Variants in KY observed in about 807,000 individuals in gnomAD.
KY encodes kyphoscoliosis peptidase.
KY carries 43 observed loss-of-function variants against 76.1 expected under a neutral mutation model. The observed-to-expected ratio is 0.57, with a 90% CI of 0.44 to 0.73. The LOEUF is 0.73. Among genes scored for constraint, KY ranks in the 30% least tolerant of loss-of-function variants. The pLI is 0.00. For missense variants in KY, 722 were observed against 828.9 expected (o/e 0.87, Z 1.58); for synonymous variants, 277 against 326.2 (o/e 0.85, Z 1.63).
At chr3:134,608,946 C>A in intron 9 of KY, 107 bp from the exon 10 acceptor site, 1 of 1,280,480 alleles carries the variant, frequency 7.8e-7, no homozygotes, top group Non-Finnish European at 1.1e-6. Context: ...GAAGAGGCAC[C>A]ATCTCCGACC....
Position 134,643,345 on chromosome 3 carries a change from G to A in KY, c.233C>T (p.Pro78Leu). 6.2e-7 allele frequency: 1 copy of A among 1,613,976 alleles called. No individual in the cohort carries two copies. Among genetic ancestry groups the A allele is most frequent in the Non-Finnish European group, 8.5e-7 (1 of 1,179,882 alleles). The stretch of plus-strand genomic sequence containing the variant: ...GCTGTTGTAGGAAGTGATGACCTGG[G>A]GCTGCTGAGGGTGCTGCTTCTCCAC... ...NLVEKQHPQQ[P>L]QVITSYNSQG... Residue 78 changes from proline to leucine, a missense_variant, in exon 3 of 11, where the codon CCC (proline) becomes CTC (leucine). By Grantham distance (98) the Pro-to-Leu change is moderately conservative (BLOSUM62 -3). This residue lies in a region of KY where 170 missense variants were observed against 148.1 expected (regional missense o/e 1.15). Transcript: ENST00000423778.
intron 1 of KY, among the ~76,000 whole-genome samples, chr3:134,648,658 C>T (rs1369292357): frequency 6.6e-6 from 1 of 152,136 alleles, no homozygotes; most frequent in East Asian, 1.9e-4. Context: ...GCCCAAATTC[C>T]TAGTGACCTA....
At chr3:134,634,674 C>T (rs1964688140) in intron 3 of KY, among the ~76,000 whole-genome samples, 1 of 152,180 alleles carries the variant, frequency 6.6e-6, no homozygotes, top group Non-Finnish European at 1.5e-5. Flanking sequence ...GTTTGAACTG[C>T]ACGAGTCCAC....
chr3:134,627,256 T>C (rs894437099), intron 5 of KY, among the ~76,000 whole-genome samples: 7 of 152,010 alleles, frequency 4.6e-5, no homozygotes, highest in Non-Finnish European at 7.4e-5. Context: ...AGCAAAACAA[T>C]AGGAAGAAGT....
At chr3:134,641,494 G>A (rs1490368142) in intron 3 of KY, among the ~76,000 whole-genome samples, 1 of 152,120 alleles carries the variant, frequency 6.6e-6, no homozygotes, top group East Asian at 1.9e-4. Flanking sequence ...ACAAGCCATG[G>A]TGGGCCTGCA....
At chr3:134,607,148 C>A (rs1318343480) in intron 10 of KY, 1 of 985,226 alleles carries the variant, frequency 1.0e-6, no homozygotes, top group Non-Finnish European at 1.2e-6. Context: ...CCGATATTTC[C>A]ACGGCCTATG....
chr3:134,619,330 C>T (rs1174823061), intron 7 of KY, 65 bp from the exon 8 acceptor site: 7 of 1,223,446 alleles, frequency 5.7e-6, no homozygotes, highest in African/African-American at 1.5e-5. Flanking sequence ...TCCACCCCAA[C>T]CCCCAGCTGT....
At chr3:134,632,663 T>G (rs1964390343) in intron 3 of KY, among the ~76,000 whole-genome samples, 1 of 151,740 alleles carries the variant, frequency 6.6e-6, no homozygotes, top group Non-Finnish European at 1.5e-5. Context: ...AAGAAAGGTT[T>G]CAAATCAACA....
rs770846495 is a variant in KY at position 134,603,996 on chromosome 3, C to G, written c.1569G>C (p.Leu523=). 2 of 1,613,854 alleles carry G rather than the reference C, an allele frequency of 1.2e-6. No homozygotes were observed. The highest frequency in any genetic ancestry group is 1.7e-6 in the Non-Finnish European group (2 of 1,179,750). Residue 523 remains leucine (L), a synonymous_variant, in exon 11 of 11, where the codon CTG becomes CTC. Transcript: ENST00000423778. ...TGCCTGCATGGGGCAGCTGGACTTT[C>G]AGCTCGGTCTGCTTCTCCCGGTGCA... The part of the protein sequence containing the change: ...FQLHREKQTE[L]KVQLPHAGKF...
chr3:134,606,625 G>C (rs1323770525), intron 10 of KY, among the ~76,000 whole-genome samples: 1 of 152,148 alleles, frequency 6.6e-6, no homozygotes, highest in African/African-American at 2.4e-5. Flanking sequence ...CGAACTCCTT[G>C]CTGGCCTGTG....
intron 8 of KY, among the ~76,000 whole-genome samples, chr3:134,618,500 T>G (rs746099299): frequency 1.2e-4 from 19 of 152,062 alleles, no homozygotes; most frequent in Non-Finnish European, 2.8e-4. Flanking sequence ...GAGGGTAGGC[T>G]CAGGAAGCTG....
chr3:134,622,379 T>A (rs910243552), intron 6 of KY, among the ~76,000 whole-genome samples: 3 of 152,182 alleles, frequency 2.0e-5, no homozygotes, highest in Non-Finnish European at 4.4e-5. Context: ...ATTATTCAAC[T>A]ACAAAAAGAA....
rs142070965 is a variant in KY at position 134,608,953 on chromosome 3, G to T, written c.900-114C>A. On this transcript the variant is annotated intron_variant, in intron 9 of 10. Transcript: ENST00000423778. Reference sequence around the variant, plus strand: ...CTGGATGGGAAGAGGCACCATCTCCGACCCTAACATGGGCACTGGAGACTC... The same window carrying T: ...CTGGATGGGAAGAGGCACCATCTCCTACCCTAACATGGGCACTGGAGACTC... 1.8e-3 allele frequency: 2,172 copies of T among 1,233,340 alleles called. 32 individuals carry two copies. The African/African-American group carries it at 0.029, about 17-fold the overall frequency. The allele number at this position is 1,233,340 out of a possible 1,614,324, so 76.4% of individuals were successfully genotyped here. A position where few individuals can be genotyped will look rare whatever the true frequency, so the allele number is the denominator to read the frequency against.
intron 3 of KY, among the ~76,000 whole-genome samples, chr3:134,634,003 T>C (rs1964585330): frequency 6.6e-6 from 1 of 152,222 alleles, no homozygotes; most frequent in African/African-American, 2.4e-5. Flanking sequence ...CCATTTCCCA[T>C]AGTTCCAAAA....
In KY at chr3:134,601,915, C is replaced by T. The variant is rs963095809; in HGVS notation, c.*1664G>A. On this transcript the variant is annotated 3_prime_UTR_variant, in exon 11 of 11. Coordinates refer to ENST00000423778, the MANE Select transcript of KY (RefSeq NM_178554.6). ...GGCTGCTGCTGCCTGGCAGTTTCCT[C>T]ACCCTGTACTCTGGATGGCAGGGGC... 7.9e-5 allele frequency among the ~76,000 whole-genome samples: 12 copies of T among 152,368 alleles called. No homozygotes were observed. Among genetic ancestry groups the T allele is most frequent in the Admixed American group, 6.5e-4 (10 of 15,314 alleles).
At chr3:134,631,476 C>T (rs1215869144) in intron 3 of KY, among the ~76,000 whole-genome samples, 1 of 152,114 alleles carries the variant, frequency 6.6e-6, no homozygotes, top group African/African-American at 2.4e-5. Flanking sequence ...ATATATTAGT[C>T]TGCCCTCCTC....
intron 2 of KY, among the ~76,000 whole-genome samples, chr3:134,645,246 G>A (rs1966297924): frequency 6.6e-6 from 1 of 152,200 alleles, no homozygotes; most frequent in African/African-American, 2.4e-5. Flanking sequence ...GGAGGCGGCT[G>A]GGCCCAAACA....
intron 8 of KY, among the ~76,000 whole-genome samples, chr3:134,618,699 G>A (rs1039266285): frequency 6.6e-6 from 1 of 152,182 alleles, no homozygotes; most frequent in Admixed American, 6.5e-5. Context: ...GCTTCGTAGT[G>A]ATTCAGCTGT....
intron 7 of KY, 108 bp from the exon 8 acceptor site, chr3:134,619,373 G>C: frequency 1.2e-6 from 1 of 812,192 alleles, no homozygotes; most frequent in East Asian, 2.5e-5. Flanking sequence ...GGAAACTACA[G>C]TGGGCTGAAT....
Sources: gnomAD v4.1 joint callset for allele counts (sites outside exome capture counted in the v4.1 genomes callset) on GRCh38, gnomAD v4.1.1 for gene constraint, gnomAD v4.1.1 regional missense constraint, MANE v1.5 for transcripts, NCBI Gene and HGNC (gene_info 2026-07-23, HGNC 2026-07-21) for gene names.